AMPD3: variants seen among roughly 807,000 people sequenced by gnomAD.
The protein encoded by AMPD3 is adenosine monophosphate deaminase 3, also known as AMP deaminase 3.
In AMPD3, 57 loss-of-function variants were observed where a neutral mutation model predicts 82.3. That is an observed-to-expected ratio of 0.69 (90% CI 0.56 to 0.86). AMPD3 has a LOEUF of 0.86. AMPD3 is among the 40% of genes least tolerant of loss of function. The probability of loss-of-function intolerance (pLI) is 0.00; values close to 1 mark genes in which losing one functional copy is unlikely to be tolerated. For synonymous variants in AMPD3, 381 were observed against 394.7 expected (o/e 0.97, Z 0.41); for missense variants, 870 against 1,003.8 (o/e 0.87, Z 1.80).
upstream of AMPD3, among the ~76,000 whole-genome samples, chr11:10,453,226 C>T (rs1368569265): frequency 6.6e-6 from 1 of 152,264 alleles, no homozygotes; most frequent in African/African-American, 2.4e-5. Context: ...GCTGGGATTA[C>T]AGGCGTGAGC....
At chr11:10,455,213 C>T, upstream of AMPD3, 2 of 985,484 alleles carry the variant, frequency 2.0e-6, no homozygotes, top group Non-Finnish European at 1.2e-6. Flanking sequence ...CCCAGGACCA[C>T]AGGATTTGCC....
chr11:10,485,895 T>G (rs1849054093), intron 5 of AMPD3, among the ~76,000 whole-genome samples: 1 of 151,838 alleles, frequency 6.6e-6, no homozygotes, highest in Non-Finnish European at 1.5e-5. Context: ...ACCTGGACTC[T>G]GTGAGCCTCA....
chr11:10,461,433 G>C, intron 1 of AMPD3, 82 bp from the exon 2 acceptor site: 2 of 1,608,552 alleles, frequency 1.2e-6, no homozygotes, highest in Non-Finnish European at 1.7e-6. Context: ...AGGTGGGCCT[G>C]GCCCTCACTT....
rs115318879 is a variant in AMPD3 at position 10,496,411 on chromosome 11, C to T, written c.1431-401C>T. 8.4e-4 allele frequency: 827 copies of T among 985,336 alleles called. 3 individuals carry two copies. The African/African-American group carries it at 0.012, about 14-fold the overall frequency. 61.0% of individuals were successfully genotyped at this position (985,336 alleles called of 1,614,324 possible). ...TCAGACGGCTGCTGTCCTCTCCAGG[C>T]GGCTGGCCAGGGTGGAGCCCATGGC... is the stretch of plus-strand genomic sequence containing the variant. On this transcript the variant is annotated intron_variant, in intron 9 of 14. Transcript: ENST00000396553.
At chr11:10,482,995 T>G (rs1044093358) in intron 4 of AMPD3, among the ~76,000 whole-genome samples, 3 of 152,210 alleles carry the variant, frequency 2.0e-5, no homozygotes, top group African/African-American at 4.8e-5. Context: ...CTTGGGATTT[T>G]GGGAAAGATA....
intron 2 of AMPD3, among the ~76,000 whole-genome samples, chr11:10,470,439 A>C (rs1848556220): frequency 6.6e-6 from 1 of 152,190 alleles, no homozygotes; most frequent in Admixed American, 6.5e-5. Flanking sequence ...ACTCCTATTC[A>C]ACATAGTATT....
chr11:10,482,579 A>G (rs1848944791), intron 4 of AMPD3, among the ~76,000 whole-genome samples: 1 of 151,628 alleles, frequency 6.6e-6, no homozygotes, highest in African/African-American at 2.4e-5. Context: ...TGGTGCAATC[A>G]TGGCTCACTG....
chr11:10,494,420 A>G, intron 7 of AMPD3: 1 of 370,804 alleles, frequency 2.7e-6, no homozygotes, highest in Non-Finnish European at 3.7e-6. Context: ...ATGGTTGCAC[A>G]ACAATGTCAA....
Position 10,502,831 on chromosome 11 carries a change from C to G in AMPD3, c.1953C>G (p.Phe651Leu). ...LEYSKNPLRE[F>L]LHKGLHVSLS... ...ATTCCAAGAACCCTCTGAGGGAATT[C>G]CTACACAAGGGACTGCATGTTTCTC... The change falls in exon 13 of 15, where the codon TTC becomes TTG. Residue 651 changes from phenylalanine (F) to leucine (L), a missense_variant. Physicochemically the swap from Phe to Leu is conservative, Grantham distance 22 (BLOSUM62 0). Coordinates refer to ENST00000396553, the MANE Select transcript of AMPD3 (RefSeq NM_001025389.2). 6 of 1,614,200 alleles carry G rather than the reference C, an allele frequency of 3.7e-6. No homozygotes were observed. The highest frequency in any genetic ancestry group is 5.1e-6 in the Non-Finnish European group (6 of 1,180,028).
At chr11:10,459,539 C>T (rs1848196718) in intron 1 of AMPD3, among the ~76,000 whole-genome samples, 1 of 152,182 alleles carries the variant, frequency 6.6e-6, no homozygotes, top group Non-Finnish European at 1.5e-5. Context: ...CCCTGCTGGA[C>T]AGCAGCAGGG....
chr11:10,463,453 A>G (rs993394767), intron 2 of AMPD3, among the ~76,000 whole-genome samples: 5 of 152,216 alleles, frequency 3.3e-5, no homozygotes, highest in Non-Finnish European at 7.3e-5. Flanking sequence ...CAAGAAGAGT[A>G]TGACTGTAGA....
rs1157779018 is a variant in AMPD3 at position 10,478,687 on chromosome 11, C to T, written c.383C>T (p.Pro128Leu). Residue 128 changes from proline to leucine, a missense_variant, in exon 3 of 15, where the codon CCT (proline) becomes CTT (leucine). Pro to Leu is a moderately conservative substitution (Grantham distance 98, BLOSUM62 -3). Coordinates refer to ENST00000396553, the MANE Select transcript of AMPD3 (RefSeq NM_001025389.2). ...CCCACGCCAGCACCCTATGCCATGC[C>T]TGAGTTCCAGCGGGTCACCATCAGC... is the stretch of plus-strand genomic sequence containing the variant. ...SLPTPAPYAM[P>L]EFQRVTISGD... 1.2e-6 allele frequency: 2 copies of T among 1,614,126 alleles called. No individual in the cohort carries two copies. Among genetic ancestry groups the T allele is most frequent in the African/African-American group, 1.3e-5 (1 of 75,070 alleles).
chr11:10,477,742 G>A, intron 2 of AMPD3: 2 of 309,442 alleles, frequency 6.5e-6, no homozygotes, highest in Non-Finnish European at 9.4e-6. Context: ...GCTAGAGGAG[G>A]GAGCAGCAGG....
At chr11:10,499,236 T>A (rs146725862) in intron 10 of AMPD3, 1,780 of 153,250 alleles carry the variant, frequency 0.012, 33 homozygotes, top group African/African-American at 0.04. Context: ...TGTTTTTTGT[T>A]TTTTTTAGAT....
At chr11:10,487,494 GC>G in intron 6 of AMPD3, 130 bp downstream of exon 6, 1 of 1,303,988 alleles carries the variant, frequency 7.7e-7, no homozygotes, top group Non-Finnish European at 1.1e-6. Context: ...GGCCTTCGTG[GC>G]CAGAGGGGTA....
At chr11:10,451,728 G>A (rs1847968774), upstream of AMPD3, among the ~76,000 whole-genome samples, 1 of 152,214 alleles carries the variant, frequency 6.6e-6, no homozygotes, top group Non-Finnish European at 1.5e-5. Flanking sequence ...GGTGAAAGCA[G>A]GCAGCACAAG....
At chr11:10,466,726 A>G (rs1182501030) in intron 2 of AMPD3, among the ~76,000 whole-genome samples, 1 of 152,066 alleles carries the variant, frequency 6.6e-6, no homozygotes, top group Non-Finnish European at 1.5e-5. Flanking sequence ...TGGGTCCCTA[A>G]CCCCCGTGTA....
At chr11:10,479,822 G>GTACA in intron 3 of AMPD3, 1 of 840,262 alleles carries the variant, frequency 1.2e-6, no homozygotes, top group Non-Finnish European at 1.4e-6. Context: ...TAAAAAATAT[G>GTACA]TACATAGTAT....
intron 2 of AMPD3, among the ~76,000 whole-genome samples, chr11:10,474,221 G>C (rs1002712272): frequency 6.6e-6 from 1 of 152,182 alleles, no homozygotes; most frequent in Non-Finnish European, 1.5e-5. Flanking sequence ...TACACCCAGG[G>C]CCTGGCACAC....
Sources: allele counts gnomAD v4.1 joint callset (sites outside exome capture counted in the v4.1 genomes callset), GRCh38; gene constraint gnomAD v4.1.1; transcripts MANE v1.5; gene names NCBI Gene and HGNC (gene_info 2026-07-23, HGNC 2026-07-21).